The following SLC17A1 variants were observed in gnomAD, a reference collection of about 807,000 sequenced individuals.
The protein encoded by SLC17A1 is solute carrier family 17 member 1, also known as sodium-dependent phosphate transport protein 1.
SLC17A1 carries 51 observed loss-of-function variants against 53.5 expected under a neutral mutation model. That is an observed-to-expected ratio of 0.95 (90% CI 0.76 to 1.20). The LOEUF (loss-of-function observed/expected upper bound fraction) is 1.20, where lower values mean the gene tolerates loss of function less well. Among genes scored for constraint, SLC17A1 ranks in the 50% most tolerant of loss-of-function variants. The pLI is 0.00. For missense variants in SLC17A1, 538 were observed against 568.2 expected, an observed-to-expected ratio of 0.95 and a Z score of 0.54; for synonymous variants, 179 against 198.8, an observed-to-expected ratio of 0.90 and a Z score of 0.84.
chr6:25,798,304 C>G (rs1288407874), intron 12 of SLC17A1, among the ~76,000 whole-genome samples: 2 of 152,174 alleles, frequency 1.3e-5, no homozygotes, highest in African/African-American at 2.4e-5. Flanking sequence ...CTTGAACACA[C>G]CTTAAAGGAC....
chr6:25,829,103 G>A (rs1035532852), intron 2 of SLC17A1, among the ~76,000 whole-genome samples: 3 of 152,084 alleles, frequency 2.0e-5, no homozygotes, highest in Admixed American at 2.0e-4. Flanking sequence ...TGAAGATGGG[G>A]GCCTCAAAAC....
At chr6:25,819,359 A>G (rs770933993) in intron 5 of SLC17A1, 152 bp downstream of exon 5, 86 of 724,922 alleles carry the variant, frequency 1.2e-4, no homozygotes, top group Non-Finnish European at 1.7e-4. Context: ...TCCATTCTAT[A>G]CAATTCTCTC....
the SLC17A1 span, chr6:25,770,599 C>A: frequency 7.7e-5 from 63 of 821,402 alleles, no homozygotes; most frequent in East Asian, 1.6e-3. Context: ...AAGCACTACC[C>A]CATACTGCCT....
At chr6:25,810,433 A>G (rs1764113385) in intron 10 of SLC17A1, among the ~76,000 whole-genome samples, 1 of 152,134 alleles carries the variant, frequency 6.6e-6, no homozygotes, top group Non-Finnish European at 1.5e-5. Flanking sequence ...ACCCAATTAA[A>G]AAATGGGCAA....
chr6:25,820,897 CAA>C (rs59962368), intron 3 of SLC17A1, among the ~76,000 whole-genome samples: 6 of 62,196 alleles, frequency 9.6e-5, no homozygotes, highest in Admixed American at 1.9e-4. Context: ...GACTCCATCT[CAA>C]AAAAAAAAAA....
Position 25,820,349 on chromosome 6 carries a change from C to T in SLC17A1, c.208-434G>A, listed in dbSNP as rs532117569. 2.0e-5 allele frequency among the ~76,000 whole-genome samples: 3 copies of T among 152,282 alleles called. No individual in the cohort carries two copies. The South Asian group carries it at 6.2e-4, about 32-fold the overall frequency. ...ACTCCTCCATTAATTTAAGCTCATT[C>T]GCAAAATCACTTTTCCCCATATACA... On this transcript the variant is annotated intron_variant, in intron 3 of 12. Coordinates refer to ENST00000244527, the MANE Select transcript of SLC17A1 (RefSeq NM_005074.5).
intron 3 of SLC17A1, among the ~76,000 whole-genome samples, chr6:25,824,822 CA>C (rs1352061912): frequency 1.3e-5 from 2 of 151,584 alleles, no homozygotes; most frequent in African/African-American, 4.8e-5. Flanking sequence ...AAACAGTTAC[CA>C]AGTATGTATT....
In SLC17A1 at chr6:25,814,983, T is replaced by TCTCTCA. The variant is rs773502408; in HGVS notation, c.617-1771_617-1770insTGAGAG. The stretch of plus-strand genomic sequence containing the variant: ...GCTGGCCGACAAAAGCAAGACTCTG[T>TCTCTCA]CACACAAACACACACACACACACAC... On this transcript the variant is annotated intron_variant, in intron 6 of 12. Coordinates refer to ENST00000244527, the MANE Select transcript of SLC17A1 (RefSeq NM_005074.5). Among the ~76,000 whole-genome samples, 586 of 140,534 alleles carry TCTCTCA rather than the reference T, an allele frequency of 4.2e-3. 8 individuals are homozygous for TCTCTCA. The highest frequency in any genetic ancestry group is 0.012 in the African/African-American group (450 of 37,708). The allele number at this position is 140,534 out of a possible 152,430, so 92.2% of individuals were successfully genotyped here.
At chr6:25,827,244 A>T (rs1712483368) in intron 2 of SLC17A1, among the ~76,000 whole-genome samples, 1 of 152,082 alleles carries the variant, frequency 6.6e-6, no homozygotes, top group African/African-American at 2.4e-5. Context: ...AACAAATGGC[A>T]TTTTTTTCAA....
At position 25,801,046 on chromosome 6, in the gene SLC17A1, T is replaced by C. The variant is rs1763743473; in HGVS notation, c.1179-66A>G. On this transcript the variant is annotated intron_variant, in intron 10 of 12. Transcript: ENST00000244527. ...AATACTGCAGGAAATGCAAACCTAA[T>C]CAAATGAAATTTAAGAGAGATAATT... 11 of 861,876 alleles carry C rather than the reference T, an allele frequency of 1.3e-5. No individual in the cohort carries two copies. In the South Asian group the frequency reaches 1.6e-4, roughly 13 times the overall value. 53.4% of individuals were successfully genotyped at this position (861,876 alleles called of 1,614,324 possible). A position where few individuals can be genotyped will look rare whatever the true frequency, so the allele number is the denominator to read the frequency against.
At chr6:25,748,684 T>C in the SLC17A1 span, among the ~76,000 whole-genome samples, 1 of 152,178 alleles carries the variant, frequency 6.6e-6, no homozygotes, top group East Asian at 1.9e-4. Context: ...TTTCACTGTC[T>C]CAGCAAGAGG....
the SLC17A1 span, chr6:25,770,256 G>A: frequency 1.2e-6 from 2 of 1,614,120 alleles, no homozygotes; most frequent in Non-Finnish European, 1.7e-6. Flanking sequence ...TAATGCGGGA[G>A]TGGCCTTGCT....
the SLC17A1 span, chr6:25,726,654 G>A: frequency 3.2e-6 from 4 of 1,259,346 alleles, no homozygotes; most frequent in Non-Finnish European, 4.4e-6. Flanking sequence ...CAATCAGAAA[G>A]TCGTACTAGA....
chr6:25,818,123 G>A (rs570957419), intron 6 of SLC17A1, among the ~76,000 whole-genome samples: 1 of 152,266 alleles, frequency 6.6e-6, no homozygotes, highest in Non-Finnish European at 1.5e-5. Context: ...CATGTCCTCT[G>A]CTTCCACCTG....
chr6:25,750,659 GAA>G, the SLC17A1 span, among the ~76,000 whole-genome samples: 1 of 148,576 alleles, frequency 6.7e-6, no homozygotes, highest in Non-Finnish European at 1.5e-5. Context: ...GAGAGAGAGA[GAA>G]AGGAGGGAAG....
intron 6 of SLC17A1, among the ~76,000 whole-genome samples, chr6:25,815,211 G>A (rs1764306768): frequency 7.1e-6 from 1 of 141,276 alleles, no homozygotes; most frequent in Admixed American, 7.1e-5. Context: ...GAAAGAAAAA[G>A]CAAGGAAGGG....
intron 2 of SLC17A1, among the ~76,000 whole-genome samples, chr6:25,830,214 A>G (rs1025957457): frequency 5.3e-5 from 8 of 152,328 alleles, no homozygotes; most frequent in Middle Eastern, 3.4e-3. Flanking sequence ...ACTTCCACTT[A>G]CAGATCTATC....
intron 2 of SLC17A1, among the ~76,000 whole-genome samples, chr6:25,826,904 G>C (rs952452931): frequency 6.6e-6 from 1 of 151,920 alleles, no homozygotes; most frequent in African/African-American, 2.4e-5. Flanking sequence ...TTTTTTAAAA[G>C]ACCCTTTATA....
chr6:25,765,012 C>T, the SLC17A1 span, among the ~76,000 whole-genome samples: 3 of 152,324 alleles, frequency 2.0e-5, no homozygotes, highest in East Asian at 5.8e-4. Context: ...AGCCCACCCA[C>T]ATACACCACC....
Sources: gnomAD v4.1 joint callset for allele counts (sites outside exome capture counted in the v4.1 genomes callset) on GRCh38, gnomAD v4.1.1 for gene constraint, MANE v1.5 for transcripts, NCBI Gene and HGNC (gene_info 2026-07-23, HGNC 2026-07-21) for gene names.